The following DOK5 variants were observed in gnomAD, a reference collection of about 807,000 sequenced individuals.
The protein encoded by DOK5 is downstream of tyrosine kinase 5.
A neutral mutation model predicts 43.3 loss-of-function variants in DOK5; 27 were observed. That is an observed-to-expected ratio of 0.62 (90% CI 0.46 to 0.86). The LOEUF is 0.86. Among genes scored for constraint, DOK5 ranks in the 40% least tolerant of loss-of-function variants. DOK5 has a pLI of 0.00. For missense variants in DOK5, 373 were observed against 392.9 expected, an observed-to-expected ratio of 0.95 and a Z score of 0.43; for synonymous variants, 146 against 140.1, an observed-to-expected ratio of 1.04 and a Z score of -0.30.
At chr20:54,590,973 C>T (rs886801264) in intron 4 of DOK5, among the ~76,000 whole-genome samples, 5 of 152,172 alleles carry the variant, frequency 3.3e-5, no homozygotes, top group African/African-American at 1.2e-4. Context: ...ATTTTGGTTG[C>T]ATTTTAGCAA....
Position 54,647,270 on chromosome 20 carries a change from C to T in DOK5, c.857-3145C>T, listed in dbSNP as rs150128822. ...CTGTAATCACAGCACTTTGGGAGGCCGAGTTGGGTGGATCTCCTGAGATCT... is the reference window on the plus strand; with the variant it reads ...CTGTAATCACAGCACTTTGGGAGGCTGAGTTGGGTGGATCTCCTGAGATCT... On this transcript the variant is annotated intron_variant, in intron 7 of 7. Transcript: ENST00000262593. Among the ~76,000 whole-genome samples, 684 of 152,062 alleles carry T rather than the reference C, an allele frequency of 4.5e-3. 5 individuals are homozygous for T. The highest frequency in any genetic ancestry group is 0.015 in the African/African-American group (641 of 41,496).
intron 7 of DOK5, 75 bp downstream of exon 7, chr20:54,643,653 G>A (rs1979234813): frequency 3.3e-6 from 5 of 1,517,072 alleles, no homozygotes; most frequent in South Asian, 2.5e-5. Flanking sequence ...AGCTCAACTC[G>A]CAGCTGCTGC....
intron 1 of DOK5, among the ~76,000 whole-genome samples, chr20:54,478,827 G>T (rs564920415): frequency 8.5e-5 from 13 of 152,272 alleles, no homozygotes; most frequent in African/African-American, 2.9e-4. Context: ...GATTCTGCTT[G>T]TATCATTTTC....
chr20:54,531,664 T>C (rs1207053769), intron 1 of DOK5, among the ~76,000 whole-genome samples: 1 of 152,200 alleles, frequency 6.6e-6, no homozygotes, highest in African/African-American at 2.4e-5. Context: ...TCATATCCTT[T>C]GAAAAAGCAA....
At chr20:54,613,893 C>T (rs552947906) in intron 6 of DOK5, among the ~76,000 whole-genome samples, 2 of 152,050 alleles carry the variant, frequency 1.3e-5, no homozygotes, top group South Asian at 4.2e-4. Context: ...ACTCAGGAGG[C>T]TGAGGCAGGA....
At chr20:54,624,800 T>C (rs149842528) in intron 6 of DOK5, among the ~76,000 whole-genome samples, 168 of 152,314 alleles carry the variant, frequency 1.1e-3, no homozygotes, top group African/African-American at 3.8e-3. Flanking sequence ...AAATAACCAT[T>C]TGAGTGCATC....
chr20:54,577,133 C>T (rs1600713283), intron 2 of DOK5, among the ~76,000 whole-genome samples: 1 of 152,178 alleles, frequency 6.6e-6, no homozygotes, highest in East Asian at 1.9e-4. Flanking sequence ...AGTATGGCTC[C>T]ATCCCCTCCT....
chr20:54,621,653 C>A (rs569000958), intron 6 of DOK5, among the ~76,000 whole-genome samples: 2 of 150,788 alleles, frequency 1.3e-5, no homozygotes, highest in East Asian at 4.0e-4. Context: ...TGCACCACTG[C>A]GCTCTAGCCT....
At chr20:54,528,855 A>G (rs908901348) in intron 1 of DOK5, among the ~76,000 whole-genome samples, 1 of 152,238 alleles carries the variant, frequency 6.6e-6, no homozygotes, top group East Asian at 1.9e-4. Context: ...GAGTTAAAAA[A>G]AAAGCAGAGG....
At chr20:54,543,579 G>A (rs1354034521) in intron 1 of DOK5, among the ~76,000 whole-genome samples, 1 of 151,398 alleles carries the variant, frequency 6.6e-6, no homozygotes, top group African/African-American at 2.4e-5. Context: ...GTATGTGTGT[G>A]TGTGTGAGAG....
At chr20:54,627,843 C>T (rs534496701) in intron 6 of DOK5, among the ~76,000 whole-genome samples, 33 of 152,282 alleles carry the variant, frequency 2.2e-4, no homozygotes, top group African/African-American at 7.9e-4. Context: ...AGAACCGATG[C>T]TCTGGAGTGA....
chr20:54,577,933 AG>A (rs1302217048), intron 2 of DOK5, among the ~76,000 whole-genome samples: 2 of 152,208 alleles, frequency 1.3e-5, no homozygotes, highest in Non-Finnish European at 2.9e-5. Context: ...AACAGTTGCA[AG>A]GGCTGAGAGG....
chr20:54,582,070 T>C (rs1985661897), intron 2 of DOK5, among the ~76,000 whole-genome samples: 1 of 152,008 alleles, frequency 6.6e-6, no homozygotes, highest in Admixed American at 6.5e-5. Context: ...GTTGAGTGTT[T>C]TTATCATGAA....
At chr20:54,643,970 A>G (rs558579769) in intron 7 of DOK5, among the ~76,000 whole-genome samples, 176 of 152,310 alleles carry the variant, frequency 1.2e-3, no homozygotes, top group Non-Finnish European at 2.0e-3. Flanking sequence ...TCACAGCATC[A>G]GCATTACTTG....
rs10485783 is a variant in DOK5 at position 54,638,523 on chromosome 20, G to A, written c.736-4935G>A. Among the ~76,000 whole-genome samples, 1,166 of 152,192 alleles carry A rather than the reference G, an allele frequency of 7.7e-3. 34 individuals carry two copies. The highest frequency in any genetic ancestry group is 0.05 in the Admixed American group (765 of 15,294). On this transcript the variant is annotated intron_variant, in intron 6 of 7. Coordinates refer to ENST00000262593, the MANE Select transcript of DOK5 (RefSeq NM_018431.5). Reference sequence around the variant, plus strand: ...CATGAGGATATATAGTCCCTTGACCGGTTAACTCAGGAGACTAGGCTGGAT... The same window carrying A: ...CATGAGGATATATAGTCCCTTGACCAGTTAACTCAGGAGACTAGGCTGGAT...
At chr20:54,530,149 C>T (rs544700644) in intron 1 of DOK5, among the ~76,000 whole-genome samples, 10 of 152,296 alleles carry the variant, frequency 6.6e-5, no homozygotes, top group Middle Eastern at 3.4e-3. Context: ...ATGGTGTGAC[C>T]AATTTGGCTA....
At chr20:54,534,876 G>A (rs913900294) in intron 1 of DOK5, among the ~76,000 whole-genome samples, 56 of 144,386 alleles carry the variant, frequency 3.9e-4, no homozygotes, top group African/African-American at 1.4e-3. Flanking sequence ...TCACTCTGTC[G>A]CACAGGCTGG....
At chr20:54,508,119 G>A (rs996280978) in intron 1 of DOK5, among the ~76,000 whole-genome samples, 8 of 152,064 alleles carry the variant, frequency 5.3e-5, no homozygotes, top group African/African-American at 1.2e-4. Context: ...GGGTTTAGAC[G>A]GGGTTTTCAG....
rs184936644 is a variant in DOK5 at position 54,624,301 on chromosome 20, T to A, written c.735+13778T>A. On this transcript the variant is annotated intron_variant, in intron 6 of 7. Coordinates refer to ENST00000262593, the MANE Select transcript of DOK5 (RefSeq NM_018431.5). ...TTCCACTGAGTGTGAGCCTAGTGTT[T>A]AAAGGGACAATCTGATTATATGTGA... Among the ~76,000 whole-genome samples, 14 of 152,288 alleles carry A rather than the reference T, an allele frequency of 9.2e-5. No individual in the cohort carries two copies. The East Asian group carries it at 2.1e-3, about 23-fold the overall frequency.
Sources: gnomAD v4.1 joint callset for allele counts (sites outside exome capture counted in the v4.1 genomes callset) on GRCh38, gnomAD v4.1.1 for gene constraint, MANE v1.5 for transcripts, NCBI Gene and HGNC (gene_info 2026-07-23, HGNC 2026-07-21) for gene names.